The following MDN1 variants were observed in gnomAD, a reference collection of about 807,000 sequenced individuals.
MDN1 encodes the protein midasin AAA ATPase 1.
A neutral mutation model predicts 669.2 loss-of-function variants in MDN1; 266 were observed. That is an observed-to-expected ratio of 0.40 (90% CI 0.36 to 0.44). The LOEUF is 0.44. Ranked by LOEUF, MDN1 falls within the 20% of genes least tolerant of loss-of-function variation. The pLI, the probability that MDN1 is intolerant of heterozygous loss-of-function variation, is 1.00. For synonymous variants in MDN1, 2,385 were observed against 2,457.1 expected (o/e 0.97, Z 0.87); for missense variants, 5,940 against 6,754.0 (o/e 0.88, Z 4.22).
At chr6:89,725,890 T>G (rs1437518583) in intron 37 of MDN1, among the ~76,000 whole-genome samples, 1 of 151,422 alleles carries the variant, frequency 6.6e-6, no homozygotes, top group African/African-American at 2.4e-5. Context: ...CTATTATTCT[T>G]TATTTCCCAT....
chr6:89,675,124 G>A (rs2128304865), intron 78 of MDN1, among the ~76,000 whole-genome samples: 1 of 152,260 alleles, frequency 6.6e-6, no homozygotes, highest in South Asian at 2.1e-4. Flanking sequence ...ATGAACAGAA[G>A]CCTAACTATT....
rs754388068 is a variant in MDN1, at chr6:89,745,577, C to T, written c.3954G>A (p.Val1318=). The T allele has an allele frequency of 4.3e-6, 7 of 1,614,136 alleles. No homozygotes were observed. The South Asian group carries it at 7.7e-5, about 18-fold the overall frequency. ...GRVRKQEEID[V]IQEVLEKHFK... is the part of the protein sequence containing the mutation. ...AATGTTTCTCAAGGACTTCTTGAAT[C>T]ACATCAATTTCCTCCTGCTTCCTGA... The change falls in exon 28 of 102, where the codon GTG becomes GTA. Residue 1318 remains valine (V), a synonymous_variant. Coordinates refer to ENST00000369393, the MANE Select transcript of MDN1 (RefSeq NM_014611.3).
intron 1 of MDN1, among the ~76,000 whole-genome samples, chr6:89,809,833 T>TAAAATAAAAA (rs1252511994): frequency 5.9e-5 from 8 of 135,870 alleles, no homozygotes; most frequent in Non-Finnish European, 9.6e-5. Flanking sequence ...TAAAATAAAA[T>TAAAATAAAAA]AAAAAATTAG....
At chr6:89,790,097 A>C in intron 6 of MDN1, 62 bp downstream of exon 6, 1 of 1,609,228 alleles carries the variant, frequency 6.2e-7, no homozygotes, top group South Asian at 1.1e-5. Flanking sequence ...AGCAAAAGCA[A>C]TATTTTAATG....
intron 19 of MDN1, among the ~76,000 whole-genome samples, chr6:89,757,010 C>A (rs1817289444): frequency 6.6e-6 from 1 of 151,580 alleles, no homozygotes; most frequent in African/African-American, 2.4e-5. Context: ...AAAATAAGTG[C>A]AATAAAAAAC....
intron 83 of MDN1, among the ~76,000 whole-genome samples, chr6:89,670,170 A>ATATATATATATTTT (rs1444537561): frequency 4.3e-5 from 1 of 23,412 alleles, no homozygotes; most frequent in South Asian, 2.3e-3. Context: ...ATATATATAT[A>ATATATATATATTTT]TTTTTTTTTT....
At chr6:89,662,691 CAA>C in intron 86 of MDN1, 99 bp downstream of exon 86, 2 of 1,318,426 alleles carry the variant, frequency 1.5e-6, no homozygotes, top group Non-Finnish European at 2.1e-6. Flanking sequence ...GAGAACAAAA[CAA>C]ATACAGAAAA....
intron 43 of MDN1, among the ~76,000 whole-genome samples, chr6:89,717,307 C>G (rs1814442606): frequency 6.6e-6 from 1 of 152,166 alleles, no homozygotes; most frequent in Non-Finnish European, 1.5e-5. Context: ...GTTTTATGAC[C>G]ATTTTTCATA....
intron 78 of MDN1, 92 bp from the exon 79 acceptor site, chr6:89,674,681 A>C: frequency 6.8e-7 from 1 of 1,466,610 alleles, no homozygotes; most frequent in Non-Finnish European, 9.0e-7. Flanking sequence ...TTTCTGAACA[A>C]GCATGGGCTT....
Position 89,747,431 on chromosome 6 carries a change from C to A in MDN1, c.3802G>T (p.Gly1268Cys). The A allele has an allele frequency of 6.2e-7, 1 of 1,613,914 alleles. No homozygotes were observed. The change falls in exon 27 of 102, where the codon GGC becomes TGC. Residue 1268 changes from glycine (G) to cysteine (C), a missense_variant. This residue lies in a region of MDN1 where 2,292 missense variants were observed against 2,638.3 expected (regional missense o/e 0.87). Coordinates refer to ENST00000369393, the MANE Select transcript of MDN1 (RefSeq NM_014611.3). ...RSSSVFAGKQ[G>C]FITLRDLFRW... is the part of the protein sequence containing the mutation. ...AACAGATCACGAAGGGTGATGAAGC[C>A]CTGCTTTCCAGCAAACACTGAAGAA...
At chr6:89,726,679 G>A (rs1177990588) in intron 37 of MDN1, among the ~76,000 whole-genome samples, 3 of 152,040 alleles carry the variant, frequency 2.0e-5, no homozygotes, top group Non-Finnish European at 4.4e-5. Flanking sequence ...AATTACAAGG[G>A]GCTCTTGTGC....
chr6:89,678,870 C>T (rs1431526937), intron 74 of MDN1, 125 bp from the exon 75 acceptor site: 3 of 983,864 alleles, frequency 3.0e-6, no homozygotes, highest in African/African-American at 1.6e-5. Context: ...CATCTTTATA[C>T]CCTGGGTACT....
In MDN1 at chr6:89,658,938, G is replaced by A. The variant is rs1033482044; in HGVS notation, c.14714-21C>T. 1.9e-6 allele frequency: 3 copies of A among 1,563,734 alleles called. No individual in the cohort carries two copies. In the African/African-American group the frequency reaches 4.1e-5, roughly 22 times the overall value. Reference sequence around the variant, plus strand: ...CTCTTCTGTATAGATACAACAAAAAGGAGGAGTGCAGAATTTTTGAAACGT... The same window carrying A: ...CTCTTCTGTATAGATACAACAAAAAAGAGGAGTGCAGAATTTTTGAAACGT... On this transcript the variant is annotated intron_variant, in intron 88 of 101. Coordinates refer to ENST00000369393, the MANE Select transcript of MDN1 (RefSeq NM_014611.3).
chr6:89,742,976 T>C (rs1816370602), intron 31 of MDN1, among the ~76,000 whole-genome samples, 174 bp downstream of exon 31: 1 of 151,900 alleles, frequency 6.6e-6, no homozygotes, highest in African/African-American at 2.4e-5. Flanking sequence ...AGATTAAATA[T>C]CTATAAAAAT....
Position 89,662,089 on chromosome 6 carries a change from C to T in MDN1, c.14563G>A (p.Glu4855Lys). The change falls in exon 87 of 102, where the codon GAG (glutamate) becomes AAG (lysine). Residue 4855 changes from glutamate (E) to lysine (K), a missense_variant and splice_region_variant. Glu to Lys is a moderately conservative substitution (Grantham distance 56). Transcript: ENST00000369393. ...GATCAGTTTCAAATCTTCATTACCT[C>T]ATCTATTTGTTCATTAATTTTGTCT... ...GEDKINEQID[E>K]RDYDENEVDP... 1 of 1,611,340 alleles carries T rather than the reference C, an allele frequency of 6.2e-7. No homozygotes were observed. The highest frequency in any genetic ancestry group is 8.5e-7 in the Non-Finnish European group (1 of 1,179,192).
chr6:89,710,617 C>T lies in MDN1; in HGVS notation c.7765+64G>A. The T allele has an allele frequency of 3.3e-6, 3 of 910,024 alleles. No individual in the cohort carries two copies. In the South Asian group the frequency reaches 5.8e-5, roughly 17 times the overall value. The allele number at this position is 910,024 out of a possible 1,614,324, so 56.4% of individuals were successfully genotyped here. On this transcript the variant is annotated intron_variant, in intron 50 of 101. Coordinates refer to ENST00000369393, the MANE Select transcript of MDN1 (RefSeq NM_014611.3). ...AGACCTCTAACAGGTCAGATCTTTTCCCCATAAAGTCAAAAGATAAGTTTC... is the reference window on the plus strand; with the variant it reads ...AGACCTCTAACAGGTCAGATCTTTTTCCCATAAAGTCAAAAGATAAGTTTC...
At chr6:89,697,957 TGAAAA>T (rs1812881921) in intron 59 of MDN1, among the ~76,000 whole-genome samples, 1 of 152,106 alleles carries the variant, frequency 6.6e-6, no homozygotes, top group Admixed American at 6.5e-5. Context: ...TCAGTAAACG[TGAAAA>T]TATGTTCAAT....
intron 63 of MDN1, among the ~76,000 whole-genome samples, chr6:89,691,465 G>A (rs1200896854): frequency 1.3e-5 from 2 of 152,154 alleles, no homozygotes; most frequent in Non-Finnish European, 2.9e-5. Context: ...CTTTGTCCCA[G>A]CAATCCTGAT....
intron 55 of MDN1, among the ~76,000 whole-genome samples, chr6:89,701,236 T>C (rs377635184): frequency 5.3e-5 from 8 of 152,374 alleles, no homozygotes; most frequent in Admixed American, 3.3e-4. Flanking sequence ...CTTGTCATTA[T>C]TACCTAAGCA....
Sources: allele counts gnomAD v4.1 joint callset (sites outside exome capture counted in the v4.1 genomes callset), GRCh38; gene constraint gnomAD v4.1.1; regional missense constraint gnomAD v4.1.1; transcripts MANE v1.5; gene names NCBI Gene and HGNC (gene_info 2026-07-23, HGNC 2026-07-21).